Variants in L3MBTL4 observed in about 807,000 individuals in gnomAD.
L3MBTL4 encodes lethal(3)malignant brain tumor-like protein 4.
In L3MBTL4, 70 loss-of-function variants were observed where a neutral mutation model predicts 84.5. The observed-to-expected ratio is 0.83, with a 90% CI of 0.68 to 1.01. The LOEUF is 1.01. Among genes scored for constraint, L3MBTL4 ranks in the 50% least tolerant of loss-of-function variants. The pLI, the probability that L3MBTL4 is intolerant of heterozygous loss-of-function variation, is 0.00. For synonymous variants in L3MBTL4, 274 were observed against 259.8 expected (o/e 1.05, Z -0.52); for missense variants, 715 against 754.8 (o/e 0.95, Z 0.62).
At chr18:6,022,327 G>T (rs983428584) in intron 16 of L3MBTL4, among the ~76,000 whole-genome samples, 3 of 152,240 alleles carry the variant, frequency 2.0e-5, no homozygotes, top group Non-Finnish European at 4.4e-5. Context: ...CCACCGTTCT[G>T]CTCAAACCTT....
At chr18:5,961,026 A>T (rs958828580) in intron 17 of L3MBTL4, among the ~76,000 whole-genome samples, 1 of 152,238 alleles carries the variant, frequency 6.6e-6, no homozygotes. Context: ...GCAGCAGGGG[A>T]TGAAAGGCAG....
At chr18:6,400,593 G>T (rs1341142576) in intron 1 of L3MBTL4, among the ~76,000 whole-genome samples, 1 of 152,128 alleles carries the variant, frequency 6.6e-6, no homozygotes, top group Non-Finnish European at 1.5e-5. Context: ...CGTATTTTTA[G>T]TAGAGACAGG....
At chr18:6,142,103 T>C (rs1266902559) in intron 13 of L3MBTL4, among the ~76,000 whole-genome samples, 4 of 152,250 alleles carry the variant, frequency 2.6e-5, no homozygotes, top group Non-Finnish European at 5.9e-5. Flanking sequence ...CATGCTAACT[T>C]CTGAGAGGAG....
At chr18:6,230,794 G>A (rs568742205) in intron 10 of L3MBTL4, among the ~76,000 whole-genome samples, 3 of 152,254 alleles carry the variant, frequency 2.0e-5, no homozygotes, top group Middle Eastern at 3.4e-3. Flanking sequence ...TCTGACTGGT[G>A]TGAGATAGTC....
At chr18:6,042,837 C>A (rs777555946) in intron 16 of L3MBTL4, among the ~76,000 whole-genome samples, 2 of 152,168 alleles carry the variant, frequency 1.3e-5, no homozygotes, top group Non-Finnish European at 2.9e-5. Flanking sequence ...GTTAATCTCC[C>A]GCTCAAACCT....
At chr18:6,150,912 C>A (rs2042865615) in intron 13 of L3MBTL4, among the ~76,000 whole-genome samples, 1 of 152,204 alleles carries the variant, frequency 6.6e-6, no homozygotes, top group Non-Finnish European at 1.5e-5. Flanking sequence ...ACAGTCTAAC[C>A]ATTCAAATTC....
chr18:6,180,528 G>A (rs1318878375), intron 12 of L3MBTL4, among the ~76,000 whole-genome samples: 1 of 152,054 alleles, frequency 6.6e-6, no homozygotes, highest in Non-Finnish European at 1.5e-5. Flanking sequence ...CACAAATATA[G>A]TTGCTTCCAT....
At chr18:6,072,676 TA>T in intron 16 of L3MBTL4, among the ~76,000 whole-genome samples, 1 of 135,948 alleles carries the variant, frequency 7.4e-6, no homozygotes, top group South Asian at 2.3e-4. Context: ...CTGTCTCTAC[TA>T]AAAAACACAC....
intron 1 of L3MBTL4, among the ~76,000 whole-genome samples, chr18:6,366,153 A>G (rs543822390): frequency 8.5e-5 from 13 of 152,250 alleles, no homozygotes; most frequent in Non-Finnish European, 1.9e-4. Context: ...AATTATGTCT[A>G]AAATTTATAA....
chr18:6,304,153 T>A (rs2146862619), intron 3 of L3MBTL4, among the ~76,000 whole-genome samples: 1 of 152,318 alleles, frequency 6.6e-6, no homozygotes, highest in Middle Eastern at 3.4e-3. Context: ...TAAATACTAT[T>A]AATTTCATTT....
intron 1 of L3MBTL4, among the ~76,000 whole-genome samples, chr18:6,362,235 T>TGAAAG (rs1485737906): frequency 9.3e-6 from 1 of 107,568 alleles, no homozygotes; most frequent in African/African-American, 3.8e-5. Flanking sequence ...GGGAGGGGAC[T>TGAAAG]GAAAGGAAAG....
chr18:5,997,981 C>A (rs552404522), intron 16 of L3MBTL4, among the ~76,000 whole-genome samples: 9 of 152,292 alleles, frequency 5.9e-5, no homozygotes, highest in African/African-American at 2.2e-4. Flanking sequence ...AGAGATTTTT[C>A]CTTAGTTGTG....
chr18:5,993,637 A>G (rs2053808112), intron 16 of L3MBTL4, among the ~76,000 whole-genome samples: 1 of 152,236 alleles, frequency 6.6e-6, no homozygotes, highest in Non-Finnish European at 1.5e-5. Flanking sequence ...CAAAGAAAAT[A>G]ATTCCACTAA....
chr18:6,163,267 GGGTGGGT>G (rs1276129173), intron 13 of L3MBTL4, among the ~76,000 whole-genome samples: 1 of 93,638 alleles, frequency 1.1e-5, no homozygotes, highest in African/African-American at 4.0e-5. Flanking sequence ...TGTGGGGGGG[GGGTGGGT>G]GTGTGTGTGT....
chr18:5,963,003 C>T (rs573661968), intron 17 of L3MBTL4, among the ~76,000 whole-genome samples: 47 of 152,268 alleles, frequency 3.1e-4, no homozygotes, highest in African/African-American at 1.1e-3. Flanking sequence ...CCCTGGGGGG[C>T]AACATTGCCC....
chr18:6,302,558 T>C (rs1472594635), intron 3 of L3MBTL4, among the ~76,000 whole-genome samples: 2 of 152,240 alleles, frequency 1.3e-5, no homozygotes, highest in Non-Finnish European at 2.9e-5. Flanking sequence ...AAGGAACATT[T>C]ACCATTCAAC....
chr18:6,142,753 C>CA (rs1332690885), intron 13 of L3MBTL4, among the ~76,000 whole-genome samples: 6 of 151,816 alleles, frequency 4.0e-5, no homozygotes, highest in South Asian at 2.1e-4. Context: ...CTTATTTCTA[C>CA]AAAAAAATAA....
chr18:6,156,179 C>A (rs1287854246), intron 13 of L3MBTL4, among the ~76,000 whole-genome samples: 1 of 152,110 alleles, frequency 6.6e-6, no homozygotes, highest in African/African-American at 2.4e-5. Context: ...CATGAAGTAG[C>A]CAAAATAGCC....
At chr18:6,262,025 C>T (rs1599386677) in intron 5 of L3MBTL4, among the ~76,000 whole-genome samples, 1 of 152,184 alleles carries the variant, frequency 6.6e-6, no homozygotes, top group Non-Finnish European at 1.5e-5. Flanking sequence ...TCTGAGGACA[C>T]GGCACAGGTG....
Sources: gnomAD v4.1 joint callset for allele counts (sites outside exome capture counted in the v4.1 genomes callset) on GRCh38, gnomAD v4.1.1 for gene constraint, MANE v1.5 for transcripts, NCBI Gene and HGNC (gene_info 2026-07-23, HGNC 2026-07-21) for gene names.